The following CEP63 variants were observed in gnomAD, a reference collection of about 807,000 sequenced individuals.
CEP63 encodes the protein centrosomal protein of 63 kDa.
CEP63 carries 84 observed loss-of-function variants against 89.1 expected under a neutral mutation model. The ratio of observed to expected loss-of-function variants is 0.94; its 90% CI spans 0.79 to 1.13. CEP63 has a LOEUF of 1.13. Among genes scored for constraint, CEP63 ranks in the 50% most tolerant of loss-of-function variants. The pLI, the probability that CEP63 is intolerant of heterozygous loss-of-function variation, is 0.00. For missense variants in CEP63, 838 were observed against 813.3 expected (o/e 1.03, Z -0.37); for synonymous variants, 267 against 272.5 (o/e 0.98, Z 0.20).
chr3:134,557,754 T>G (rs367838606), intron 12 of CEP63, among the ~76,000 whole-genome samples: 28 of 152,350 alleles, frequency 1.8e-4, no homozygotes, highest in African/African-American at 6.5e-4. Flanking sequence ...ATTTCTTTCC[T>G]TGAACTAGGT....
chr3:134,698,439 GC>G, the CEP63 span, among the ~76,000 whole-genome samples: 1 of 152,208 alleles, frequency 6.6e-6, no homozygotes, highest in East Asian at 1.9e-4. Flanking sequence ...AGCAAAGGCT[GC>G]CAGTGAGGGC....
the CEP63 span, among the ~76,000 whole-genome samples, chr3:134,775,261 G>GT: frequency 6.6e-6 from 1 of 152,220 alleles, no homozygotes; most frequent in Non-Finnish European, 1.5e-5. Flanking sequence ...AGACAGGGCT[G>GT]TAAGATGGGG....
the CEP63 span, among the ~76,000 whole-genome samples, chr3:134,624,495 C>T: frequency 6.6e-6 from 1 of 152,256 alleles, no homozygotes; most frequent in South Asian, 2.1e-4. Context: ...ACTCTCTGTG[C>T]TGAAGCTCCT....
the CEP63 span, among the ~76,000 whole-genome samples, chr3:134,701,331 C>CGTATATGTGTGTGTATATATACATAT: frequency 2.2e-3 from 18 of 8,198 alleles, 4 homozygotes; most frequent in Non-Finnish European, 3.7e-3. Context: ...TATACATATA[C>CGTATATGTGTGTGTATATATACATAT]ACACACATAT....
chr3:134,734,477 A>G, the CEP63 span, among the ~76,000 whole-genome samples: 1 of 152,230 alleles, frequency 6.6e-6, no homozygotes, highest in South Asian at 2.1e-4. Context: ...TTAGGCAAGC[A>G]TGATCAAGAA....
At chr3:134,514,292 A>C (rs971377852) in intron 3 of CEP63, among the ~76,000 whole-genome samples, 1 of 152,212 alleles carries the variant, frequency 6.6e-6, no homozygotes, top group Admixed American at 6.5e-5. Context: ...AAGCACAGGC[A>C]AAGTGATAGA....
downstream of CEP63, among the ~76,000 whole-genome samples, chr3:134,578,418 C>T (rs1209736139): frequency 1.3e-5 from 2 of 148,350 alleles, no homozygotes; most frequent in African/African-American, 2.5e-5. Flanking sequence ...GCAACCTCTG[C>T]CTCCTGGGTT....
chr3:134,531,162 G>T (rs1949779592), intron 3 of CEP63, among the ~76,000 whole-genome samples: 1 of 152,178 alleles, frequency 6.6e-6, no homozygotes, highest in African/African-American at 2.4e-5. Flanking sequence ...TTATTGTAGA[G>T]AAATTATTCC....
Position 134,512,164 on chromosome 3 carries a change from A to G in CEP63, c.222+4878A>G, listed in dbSNP as rs115455477. The stretch of plus-strand genomic sequence containing the variant: ...CTGTTACACTGAACGGTGTGTTTCA[A>G]GACATACTTGATTTACACTCTGCCT... On this transcript the variant is annotated intron_variant, in intron 3 of 14. Coordinates refer to ENST00000675561, the MANE Select transcript of CEP63 (RefSeq NM_001353108.3). Among the ~76,000 whole-genome samples the G allele has an allele frequency of 5.5e-3, 834 of 152,336 alleles. 7 individuals are homozygous for G. Among genetic ancestry groups the G allele is most frequent in the African/African-American group, 0.019 (777 of 41,580 alleles).
At chr3:134,693,358 C>G in the CEP63 span, among the ~76,000 whole-genome samples, 94 of 152,256 alleles carry the variant, frequency 6.2e-4, 1 homozygote, top group East Asian at 0.017. Flanking sequence ...GACAGCAAAG[C>G]TGAGGGCCAG....
chr3:134,707,057 G>A, the CEP63 span, among the ~76,000 whole-genome samples: 1 of 152,176 alleles, frequency 6.6e-6, no homozygotes, highest in Non-Finnish European at 1.5e-5. Flanking sequence ...GGTACTGGGG[G>A]TTAGGACTTG....
At chr3:134,758,821 G>A in the CEP63 span, among the ~76,000 whole-genome samples, 3 of 152,036 alleles carry the variant, frequency 2.0e-5, no homozygotes, top group Non-Finnish European at 2.9e-5. Flanking sequence ...TAATGGCCTC[G>A]CCAAAGATGT....
chr3:134,602,498 A>C, the CEP63 span, among the ~76,000 whole-genome samples: 19 of 152,152 alleles, frequency 1.2e-4, no homozygotes, highest in Admixed American at 7.8e-4. Flanking sequence ...TGCAGCTGGA[A>C]TTCTTCCCAG....
chr3:134,760,745 C>T, the CEP63 span, among the ~76,000 whole-genome samples: 29 of 152,304 alleles, frequency 1.9e-4, no homozygotes, highest in African/African-American at 4.3e-4. Context: ...CAAACATTCA[C>T]GTGCTCTTGG....
the CEP63 span, among the ~76,000 whole-genome samples, chr3:134,729,452 C>A: frequency 6.6e-6 from 1 of 152,176 alleles, no homozygotes; most frequent in South Asian, 2.1e-4. Flanking sequence ...GCCTGCATAG[C>A]ATTCCACTGC....
the CEP63 span, among the ~76,000 whole-genome samples, chr3:134,670,639 A>G: frequency 1.4e-4 from 22 of 152,362 alleles, no homozygotes; most frequent in South Asian, 1.4e-3. Context: ...AACTGAATAT[A>G]AACTGTTACC....
chr3:134,603,486 C>T, the CEP63 span: 1 of 1,119,066 alleles, frequency 8.9e-7, no homozygotes, highest in South Asian at 1.5e-5. Flanking sequence ...CATGCAGACT[C>T]AGTGGTGTCC....
At chr3:134,539,844 A>G (rs1951638791) in intron 6 of CEP63, among the ~76,000 whole-genome samples, 1 of 152,234 alleles carries the variant, frequency 6.6e-6, no homozygotes, top group Admixed American at 6.5e-5. Context: ...TTATTTTAGA[A>G]AAATGAGAAA....
At chr3:134,721,517 T>C in the CEP63 span, among the ~76,000 whole-genome samples, 1 of 152,104 alleles carries the variant, frequency 6.6e-6, no homozygotes, top group East Asian at 1.9e-4. Context: ...ATAGAAGTGA[T>C]GAGAACAGAC....
Sources: allele counts gnomAD v4.1 joint callset (sites outside exome capture counted in the v4.1 genomes callset), GRCh38; gene constraint gnomAD v4.1.1; transcripts MANE v1.5; gene names NCBI Gene and HGNC (gene_info 2026-07-23, HGNC 2026-07-21).